Variants in CCNB1 observed in about 807,000 individuals in gnomAD.
The protein encoded by CCNB1 is G2/mitotic-specific cyclin-B1.
A neutral mutation model predicts 44.4 loss-of-function variants in CCNB1; 26 were observed. The ratio of observed to expected loss-of-function variants is 0.59; its 90% confidence interval spans 0.43 to 0.81. The LOEUF is 0.81. Among genes scored for constraint, CCNB1 ranks in the 40% least tolerant of loss-of-function variants. The pLI, the probability that CCNB1 is intolerant of heterozygous loss-of-function variation, is 0.00. For missense variants in CCNB1, 477 were observed against 520.9 expected, an observed-to-expected ratio of 0.92 and a Z score of 0.82; for synonymous variants, 195 against 181.4, an observed-to-expected ratio of 1.08 and a Z score of -0.60.
In CCNB1 at chr5:69,176,659, T is replaced by C. The variant is rs1477830608; in HGVS notation, c.1084-580T>C. 4.0e-5 allele frequency among the ~76,000 whole-genome samples: 6 copies of C among 151,216 alleles called. No homozygotes were observed. The South Asian group carries it at 6.3e-4, about 16-fold the overall frequency. On this transcript the variant is annotated intron_variant, in intron 7 of 8. Transcript: ENST00000256442. ...TGCTGGGATTACAGGCGTGAGCCAT[T>C]GTGCCCGGCCTACCCTAGGTCTTAA...
rs1747379531 is a variant in CCNB1 at position 69,168,154 on chromosome 5, C to G, written c.193-19C>G. ...GCCTTTGATGCAGAAACATTTCATT[C>G]TCTCTGTTTCATCTACAGGAAGCAA... On this transcript the variant is annotated intron_variant, in intron 2 of 8. Coordinates refer to ENST00000256442, the MANE Select transcript of CCNB1 (RefSeq NM_031966.4). 1.9e-6 allele frequency: 3 copies of G among 1,611,594 alleles called. No homozygotes were observed. The highest frequency in any genetic ancestry group is 2.2e-5 in the East Asian group (1 of 44,866).
intron 4 of CCNB1, among the ~76,000 whole-genome samples, chr5:69,172,544 A>G (rs1174405987): frequency 1.3e-5 from 2 of 152,006 alleles, no homozygotes; most frequent in Non-Finnish European, 2.9e-5. Flanking sequence ...GGCCTGAGCA[A>G]CCGCACCCAG....
At chr5:69,171,163 C>A in intron 3 of CCNB1, 107 bp from the exon 4 acceptor site, 1 of 700,366 alleles carries the variant, frequency 1.4e-6, no homozygotes, top group South Asian at 2.1e-5. Context: ...AATTGTATGC[C>A]GATTCAGCAG....
chr5:69,168,423 A>G lies in CCNB1; in HGVS notation c.363+80A>G, dbSNP rs576960583. 5 of 1,488,912 alleles carry G rather than the reference A, an allele frequency of 3.4e-6. No homozygotes were observed. In the African/African-American group the frequency reaches 5.6e-5, roughly 17 times the overall value. The allele number at this position is 1,488,912 out of a possible 1,614,324, so 92.2% of individuals were successfully genotyped here. ...CACTGATACATGCAAGAGCATTCAA[A>G]TGAATAGTAATATTAATACCATTTA... On this transcript the variant is annotated intron_variant, in intron 3 of 8. Coordinates refer to ENST00000256442, the MANE Select transcript of CCNB1 (RefSeq NM_031966.4).
intron 4 of CCNB1, among the ~76,000 whole-genome samples, chr5:69,171,977 T>C (rs1012613312): frequency 1.3e-5 from 2 of 152,024 alleles, no homozygotes; most frequent in African/African-American, 4.8e-5. Context: ...TTTCTATTAA[T>C]GGCATTTGCC....
rs752181166 is a variant in CCNB1 at position 69,168,152 on chromosome 5, TTC to T, written c.193-15_193-14del. Reference sequence around the variant, plus strand: ...TGGCCTTTGATGCAGAAACATTTCATTCTCTCTGTTTCATCTACAGGAAGCAA... The same window carrying T: ...TGGCCTTTGATGCAGAAACATTTCATTCTCTGTTTCATCTACAGGAAGCAA... On this transcript the variant is annotated intron_variant, in intron 2 of 8. Coordinates refer to ENST00000256442, the MANE Select transcript of CCNB1 (RefSeq NM_031966.4). The T allele has an allele frequency of 3.5e-5, 57 of 1,612,144 alleles. No individual in the cohort carries two copies. Among genetic ancestry groups the T allele is most frequent in the Middle Eastern group, 1.6e-4 (1 of 6,082 alleles).
chr5:69,177,699 T>A lies in CCNB1; in HGVS notation c.*68T>A. ...GGCACCATGTGCCATCTGTACATAT[T>A]ACTGTTGCATTTACTTTTAATAAAG... On this transcript the variant is annotated 3_prime_UTR_variant, in exon 9 of 9. Transcript: ENST00000256442. 1.1e-6 allele frequency: 1 copy of A among 876,848 alleles called. No homozygotes were observed. Among genetic ancestry groups the A allele is most frequent in the Admixed American group, 2.3e-5 (1 of 43,512 alleles). The allele number at this position is 876,848 out of a possible 1,614,324, so 54.3% of individuals were successfully genotyped here. A position where few individuals can be genotyped will look rare whatever the true frequency, so the allele number is the denominator to read the frequency against.
In CCNB1 at chr5:69,172,829, A is replaced by G. The variant is rs148634167; in HGVS notation, c.546+1377A>G. On this transcript the variant is annotated intron_variant, in intron 4 of 8. Coordinates refer to ENST00000256442, the MANE Select transcript of CCNB1 (RefSeq NM_031966.4). ...CGCTGTGTCACCTAGGCTGGTGTGC[A>G]GTGGCACAATCTCGGCTCACTGCAA... Among the ~76,000 whole-genome samples, 1,096 of 132,692 alleles carry G rather than the reference A, an allele frequency of 8.3e-3. 12 individuals are homozygous for G. The highest frequency in any genetic ancestry group is 0.031 in the African/African-American group (1,053 of 34,172). The allele number at this position is 132,692 out of a possible 152,430, so 87.1% of individuals were successfully genotyped here.
chr5:69,172,500 A>C (rs1747486065), intron 4 of CCNB1, among the ~76,000 whole-genome samples: 2 of 151,798 alleles, frequency 1.3e-5, no homozygotes, highest in African/African-American at 4.8e-5. Flanking sequence ...TAGATGATCT[A>C]CCCATCCCGG....
Position 69,174,300 on chromosome 5 carries a change from G to C in CCNB1, c.596G>C (p.Gly199Ala). The change falls in exon 5 of 9, where the codon GGA becomes GCA. Residue 199 changes from glycine (G) to alanine (A), a missense_variant. Physicochemically the swap from Gly to Ala is moderately conservative, Grantham distance 60. Transcript: ENST00000256442. ...TACCTACTGGGTCGGGAAGTCACTG[G>C]AAACATGAGAGCCATCCTAATTGAC... ...PKYLLGREVT[G>A]NMRAILIDWL... The C allele has an allele frequency of 6.2e-7, 1 of 1,614,066 alleles. No individual in the cohort carries two copies.
chr5:69,175,528 T>C lies in CCNB1; in HGVS notation c.1074T>C (p.Asn358=), dbSNP rs1386275086. The C allele has an allele frequency of 6.2e-7, 1 of 1,614,142 alleles. No individual in the cohort carries two copies. ...AFCLALKILD[N]GEWTPTLQHY... ...GCTTAGCACTGAAAATTCTGGATAA[T>C]GGTGAATGGGTAAGCTGTGTCCCAC... is the stretch of plus-strand genomic sequence containing the variant. The change falls in exon 7 of 9, where the codon AAT becomes AAC. Residue 358 remains asparagine, a synonymous_variant. Coordinates refer to ENST00000256442, the MANE Select transcript of CCNB1 (RefSeq NM_031966.4).
intron 7 of CCNB1, 65 bp from the exon 8 acceptor site, chr5:69,177,174 C>T (rs1175295797): frequency 2.3e-6 from 2 of 886,342 alleles, no homozygotes; most frequent in Non-Finnish European, 3.7e-6. Flanking sequence ...TAACATCTAA[C>T]ATCTAGAAAC....
At chr5:69,172,508 C>T (rs965034785) in intron 4 of CCNB1, among the ~76,000 whole-genome samples, 1 of 152,030 alleles carries the variant, frequency 6.6e-6, no homozygotes, top group South Asian at 2.1e-4. Flanking sequence ...CTACCCATCC[C>T]GGCCTCCCAA....
chr5:69,177,554 C>T lies in CCNB1; in HGVS notation c.1225C>T (p.His409Tyr), dbSNP rs1220768462. Residue 409 changes from histidine to tyrosine, a missense_variant, in exon 9 of 9, where the codon CAT (histidine) becomes TAT (tyrosine). By Grantham distance (83) the His-to-Tyr change is moderately conservative. Coordinates refer to ENST00000256442, the MANE Select transcript of CCNB1 (RefSeq NM_031966.4). ...TVKNKYATSK[H>Y]AKISTLPQLN... is the part of the protein sequence containing the mutation. The stretch of plus-strand genomic sequence containing the variant: ...CAAGAACAAGTATGCCACATCGAAG[C>T]ATGCTAAGATCAGCACTCTACCACA... 4 of 1,613,036 alleles carry T rather than the reference C, an allele frequency of 2.5e-6. No homozygotes were observed. Among genetic ancestry groups the T allele is most frequent in the Non-Finnish European group, 2.5e-6 (3 of 1,179,182 alleles).
At chr5:69,170,138 A>ATTATTTTT (rs1346196278) in intron 3 of CCNB1, among the ~76,000 whole-genome samples, 1 of 150,088 alleles carries the variant, frequency 6.7e-6, no homozygotes, top group Non-Finnish European at 1.5e-5. Flanking sequence ...TAATTTTTTT[A>ATTATTTTT]TTATTTTTTT....
chr5:69,175,824 T>C (rs1747572809), intron 7 of CCNB1, among the ~76,000 whole-genome samples: 1 of 151,786 alleles, frequency 6.6e-6, no homozygotes. Context: ...ATTTTTTTCA[T>C]GTCAGATGGG....
chr5:69,169,715 C>T (rs1747416473), intron 3 of CCNB1, among the ~76,000 whole-genome samples: 1 of 151,930 alleles, frequency 6.6e-6, no homozygotes, highest in Non-Finnish European at 1.5e-5. Flanking sequence ...TGCAGTGGTG[C>T]CATCTTGGCT....
Position 69,168,163 on chromosome 5 carries a change from T to G in CCNB1, c.193-10T>G, listed in dbSNP as rs1747379815. 1 of 1,613,580 alleles carries G rather than the reference T, an allele frequency of 6.2e-7. No individual in the cohort carries two copies. The highest frequency in any genetic ancestry group is 8.5e-7 in the Non-Finnish European group (1 of 1,179,666). On this transcript the variant is annotated splice_polypyrimidine_tract_variant and intron_variant, in intron 2 of 8. Transcript: ENST00000256442. ...GCAGAAACATTTCATTCTCTCTGTTTCATCTACAGGAAGCAAAACCTTCAG... is the reference window on the plus strand; with the variant it reads ...GCAGAAACATTTCATTCTCTCTGTTGCATCTACAGGAAGCAAAACCTTCAG...
At position 69,168,461 on chromosome 5, in the gene CCNB1, C is replaced by G. The variant is rs150949205; in HGVS notation, c.363+118C>G. On this transcript the variant is annotated intron_variant, in intron 3 of 8. Transcript: ENST00000256442. ...TTAATACCATTTATTGAGTGCTTAG[C>G]ATGAGGCAAGCTCTGCCTAACATTT... 2.0e-4 allele frequency: 245 copies of G among 1,204,418 alleles called. 1 individual carries two copies. In the East Asian group the frequency reaches 5.7e-3, roughly 28 times the overall value. The allele number at this position is 1,204,418 out of a possible 1,614,324, so 74.6% of individuals were successfully genotyped here. A position where few individuals can be genotyped will look rare whatever the true frequency, so the allele number is the denominator to read the frequency against.
Sources: allele counts gnomAD v4.1 joint callset (sites outside exome capture counted in the v4.1 genomes callset), GRCh38; gene constraint gnomAD v4.1.1; transcripts MANE v1.5; gene names NCBI Gene and HGNC (gene_info 2026-07-23, HGNC 2026-07-21).